The following IRAK2 variants were observed in gnomAD, a reference collection of about 807,000 sequenced individuals.
IRAK2 encodes interleukin-1 receptor-associated kinase-like 2.
In IRAK2, 57 loss-of-function variants were observed where a neutral mutation model predicts 72.0. The ratio of observed to expected loss-of-function variants is 0.79; its 90% confidence interval spans 0.64 to 0.99. The LOEUF is 0.99. Among genes scored for constraint, IRAK2 ranks in the 50% least tolerant of loss-of-function variants. IRAK2 has a pLI of 0.00. For missense variants in IRAK2, 790 were observed against 794.4 expected (o/e 0.99, Z 0.07); for synonymous variants, 293 against 312.7 (o/e 0.94, Z 0.67).
intron 6 of IRAK2, among the ~76,000 whole-genome samples, chr3:10,216,174 T>C (rs1460832671): frequency 2.6e-5 from 4 of 152,132 alleles, no homozygotes. Flanking sequence ...AAAAGTTATT[T>C]GTGGCAGTGA....
At chr3:10,236,483 G>A (rs529678537) in intron 11 of IRAK2, among the ~76,000 whole-genome samples, 1 of 151,516 alleles carries the variant, frequency 6.6e-6, no homozygotes, top group Non-Finnish European at 1.5e-5. Flanking sequence ...GAGTAGCTGA[G>A]ATTGCAGGTG....
chr3:10,165,146 A>G, intron 1 of IRAK2, 98 bp downstream of exon 1: 1 of 1,051,142 alleles, frequency 9.5e-7, no homozygotes, highest in East Asian at 2.7e-5. Flanking sequence ...ACCCGGGTTC[A>G]GCGGGTCCCG....
Position 10,181,926 on chromosome 3 carries a change from C to G in IRAK2, c.277+3906C>G, listed in dbSNP as rs114754845. The stretch of plus-strand genomic sequence containing the variant: ...GCACGTGTACTCTCATTCCAATGCC[C>G]TATTCCTGAGTAAGCATCATTTTCT... On this transcript the variant is annotated intron_variant, in intron 2 of 12. Coordinates refer to ENST00000256458, the MANE Select transcript of IRAK2 (RefSeq NM_001570.4). 3.7e-3 allele frequency among the ~76,000 whole-genome samples: 569 copies of G among 152,078 alleles called. 6 individuals are homozygous for G. The highest frequency in any genetic ancestry group is 0.013 in the African/African-American group (542 of 41,486).
In IRAK2 at chr3:10,212,984, G is replaced by T. The variant is rs189559114; in HGVS notation, c.529-223G>T. ...GGGGTTTCACTGTGTTAGCCAGGAT[G>T]GTCTTGATCTCCTGACCTCGTGATC... On this transcript the variant is annotated intron_variant, in intron 4 of 12. Transcript: ENST00000256458. Among the ~76,000 whole-genome samples, 823 of 151,998 alleles carry T rather than the reference G, an allele frequency of 5.4e-3. 3 individuals carry two copies. The highest frequency in any genetic ancestry group is 8.8e-3 in the Non-Finnish European group (600 of 67,976).
chr3:10,186,934 G>A (rs371504687), intron 2 of IRAK2, among the ~76,000 whole-genome samples: 1 of 150,450 alleles, frequency 6.6e-6, no homozygotes, highest in Non-Finnish European at 1.5e-5. Context: ...CAAGTAGCTA[G>A]GACTATAAGT....
intron 3 of IRAK2, among the ~76,000 whole-genome samples, chr3:10,200,914 A>G (rs1369280704): frequency 6.6e-6 from 1 of 152,218 alleles, no homozygotes; most frequent in Non-Finnish European, 1.5e-5. Context: ...AAAGCAAAAA[A>G]TCTGGCAACA....
chr3:10,166,840 C>T (rs1236368697), intron 1 of IRAK2, among the ~76,000 whole-genome samples: 6 of 152,140 alleles, frequency 3.9e-5, no homozygotes, highest in African/African-American at 4.8e-5. Context: ...GATGGGGTTT[C>T]GCCATGTTGG....
intron 3 of IRAK2, among the ~76,000 whole-genome samples, chr3:10,206,035 A>G (rs1325240549): frequency 6.6e-6 from 1 of 152,200 alleles, no homozygotes; most frequent in Admixed American, 6.5e-5. Flanking sequence ...AGATACCAAG[A>G]CAGGATAGGA....
intron 2 of IRAK2, among the ~76,000 whole-genome samples, chr3:10,181,582 G>C: frequency 6.6e-6 from 1 of 152,130 alleles, no homozygotes; most frequent in Middle Eastern, 3.2e-3. Flanking sequence ...CTGGGTGACA[G>C]AGCGAGACTC....
rs1418445224 is a variant in IRAK2, at chr3:10,242,785, T to C, written c.*557T>C. On this transcript the variant is annotated 3_prime_UTR_variant, in exon 13 of 13. Coordinates refer to ENST00000256458, the MANE Select transcript of IRAK2 (RefSeq NM_001570.4). ...GACTCCCAAAGTGCTGGAATTACAG[T>C]TGGGAGCCACTGTGCCTGGCCTGGA... 1.3e-5 allele frequency: 2 copies of C among 152,206 alleles called. No individual in the cohort carries two copies. The highest frequency in any genetic ancestry group is 6.5e-5 in the Admixed American group (1 of 15,270). 9.4% of individuals were successfully genotyped at this position (152,206 alleles called of 1,614,324 possible).
chr3:10,235,411 C>T (rs1011588854), intron 11 of IRAK2, among the ~76,000 whole-genome samples: 8 of 151,980 alleles, frequency 5.3e-5, no homozygotes, highest in Non-Finnish European at 1.0e-4. Context: ...AATTCTCTTG[C>T]CTCAGCCTCC....
intron 2 of IRAK2, among the ~76,000 whole-genome samples, chr3:10,179,245 T>C (rs2125143156): frequency 6.6e-6 from 1 of 152,038 alleles, no homozygotes; most frequent in African/African-American, 2.4e-5. Flanking sequence ...TATTGAGATG[T>C]GTTTATGTTC....
chr3:10,167,547 T>C (rs1316530428), intron 1 of IRAK2, among the ~76,000 whole-genome samples: 1 of 152,092 alleles, frequency 6.6e-6, no homozygotes, highest in East Asian at 1.9e-4. Context: ...CCCTAGCAGC[T>C]TGGACTACAG....
In IRAK2 at chr3:10,213,470, G is replaced by T. The variant is rs941776340; in HGVS notation, c.724-14G>T. 6.2e-7 allele frequency: 1 copy of T among 1,613,828 alleles called. No homozygotes were observed. Among genetic ancestry groups the T allele is most frequent in the African/African-American group, 1.3e-5 (1 of 74,902 alleles). On this transcript the variant is annotated splice_polypyrimidine_tract_variant and intron_variant, in intron 5 of 12. Transcript: ENST00000256458. Reference sequence around the variant, plus strand: ...TGGGGCGGGATCTTCATGTTCTGATGTCTTTCTCTACAGACAGCCTGTTCA... The same window carrying T: ...TGGGGCGGGATCTTCATGTTCTGATTTCTTTCTCTACAGACAGCCTGTTCA...
intron 7 of IRAK2, among the ~76,000 whole-genome samples, 165 bp downstream of exon 7, chr3:10,217,213 T>G (rs11465903): frequency 0.031 from 4,739 of 152,238 alleles, 248 homozygotes; most frequent in African/African-American, 0.11. Context: ...TCTGGTTAAG[T>G]GCTCACTTTG....
At chr3:10,205,268 C>T (rs188575550) in intron 3 of IRAK2, among the ~76,000 whole-genome samples, 42 of 152,178 alleles carry the variant, frequency 2.8e-4, no homozygotes, top group African/African-American at 9.2e-4. Flanking sequence ...ACCCTAGGCA[C>T]GAGGAGCCAA....
intron 2 of IRAK2, among the ~76,000 whole-genome samples, chr3:10,190,616 T>C (rs755863856): frequency 1.3e-5 from 2 of 152,158 alleles, no homozygotes; most frequent in Non-Finnish European, 2.9e-5. Context: ...CAGTCCCCAG[T>C]GTTTCAGAGA....
rs567556012 is a variant in IRAK2, at chr3:10,195,973, C to T, written c.278-4396C>T. 1.2e-4 allele frequency among the ~76,000 whole-genome samples: 18 copies of T among 152,204 alleles called. 1 individual carries two copies. In the South Asian group the frequency reaches 2.1e-3, roughly 18 times the overall value. On this transcript the variant is annotated intron_variant, in intron 2 of 12. Transcript: ENST00000256458. ...TGGGAAAGATGAGGACTGGGAGTGG[C>T]GGGGGGTAGCCTTCCAAGGGAGCAC...
chr3:10,223,885 C>T (rs1697732222), intron 9 of IRAK2, among the ~76,000 whole-genome samples: 2 of 152,246 alleles, frequency 1.3e-5, no homozygotes, highest in Admixed American at 1.3e-4. Flanking sequence ...TCTACCTCTG[C>T]TACCAGAACC....
Sources: allele counts gnomAD v4.1 joint callset (sites outside exome capture counted in the v4.1 genomes callset), GRCh38; gene constraint gnomAD v4.1.1; transcripts MANE v1.5; gene names NCBI Gene and HGNC (gene_info 2026-07-23, HGNC 2026-07-21).